NKAIN2: variants seen among roughly 807,000 people sequenced by gnomAD.
NKAIN2 encodes sodium/potassium-transporting ATPase subunit beta-1-interacting protein 2.
In NKAIN2, 14 loss-of-function variants were observed where a neutral mutation model predicts 32.6. The observed-to-expected ratio is 0.43, with a 90% CI of 0.28 to 0.67. NKAIN2 has a LOEUF of 0.67. Among genes scored for constraint, NKAIN2 ranks in the 30% least tolerant of loss-of-function variants. NKAIN2 has a pLI of 0.17. For missense variants in NKAIN2, 198 were observed against 258.3 expected, an observed-to-expected ratio of 0.77 and a Z score of 1.60; for synonymous variants, 80 against 87.2, an observed-to-expected ratio of 0.92 and a Z score of 0.46.
chr6:124,229,219 C>A (rs1343280534), intron 1 of NKAIN2, among the ~76,000 whole-genome samples: 1 of 152,056 alleles, frequency 6.6e-6, no homozygotes, highest in East Asian at 1.9e-4. Flanking sequence ...TGAGAGAATG[C>A]AAGTGTGACA....
At chr6:123,975,031 G>T (rs913640653) in intron 1 of NKAIN2, among the ~76,000 whole-genome samples, 1 of 152,064 alleles carries the variant, frequency 6.6e-6, no homozygotes, top group African/African-American at 2.4e-5. Flanking sequence ...CGTATGTTTG[G>T]TTATTAAGGG....
chr6:124,770,970 T>C (rs188202633), intron 4 of NKAIN2, among the ~76,000 whole-genome samples: 61 of 152,284 alleles, frequency 4.0e-4, no homozygotes, highest in Non-Finnish European at 7.5e-4. Context: ...AGAGGAAATC[T>C]AGGAAGAGCT....
intron 3 of NKAIN2, among the ~76,000 whole-genome samples, chr6:124,417,749 G>A (rs963232393): frequency 1.3e-5 from 2 of 152,078 alleles, no homozygotes; most frequent in Admixed American, 6.6e-5. Context: ...TGTTTCCTCT[G>A]TCTCAGGCTT....
At chr6:124,787,154 A>C (rs905292024) in intron 4 of NKAIN2, among the ~76,000 whole-genome samples, 7 of 152,278 alleles carry the variant, frequency 4.6e-5, no homozygotes, top group Admixed American at 2.0e-4. Context: ...ACCTTTATTC[A>C]GCCTTAAAGA....
At chr6:124,274,665 C>A (rs140621585) in intron 1 of NKAIN2, among the ~76,000 whole-genome samples, 13 of 151,878 alleles carry the variant, frequency 8.6e-5, no homozygotes, top group African/African-American at 2.4e-4. Context: ...TCCTTGTAAA[C>A]GCATGATTTA....
chr6:124,401,273 T>C (rs1330959057), intron 3 of NKAIN2, among the ~76,000 whole-genome samples: 2 of 152,072 alleles, frequency 1.3e-5, no homozygotes, highest in East Asian at 3.9e-4. Flanking sequence ...ATAATGACAT[T>C]TTCCCCCCAA....
chr6:124,604,223 T>TA (rs1345338012), intron 3 of NKAIN2, among the ~76,000 whole-genome samples: 1 of 151,930 alleles, frequency 6.6e-6, no homozygotes, highest in African/African-American at 2.4e-5. Flanking sequence ...ACCAAATCCA[T>TA]AAGTGAATCA....
intron 1 of NKAIN2, among the ~76,000 whole-genome samples, chr6:123,808,264 A>G (rs1773306419): frequency 6.6e-6 from 1 of 152,122 alleles, no homozygotes; most frequent in Admixed American, 6.5e-5. Context: ...GGCTCAGAGA[A>G]TTTTAACTTT....
chr6:124,031,075 G>A (rs1236585742), intron 1 of NKAIN2, among the ~76,000 whole-genome samples: 1 of 142,492 alleles, frequency 7.0e-6, no homozygotes, highest in Non-Finnish European at 1.5e-5. Flanking sequence ...GATGTTACTG[G>A]GTTTTTAAAA....
intron 1 of NKAIN2, among the ~76,000 whole-genome samples, chr6:124,011,399 C>CTT (rs78219806): frequency 1.4e-5 from 2 of 141,580 alleles, no homozygotes; most frequent in African/African-American, 2.7e-5. Flanking sequence ...AATTCCTGTT[C>CTT]TTTTTTTTTT....
intron 4 of NKAIN2, among the ~76,000 whole-genome samples, chr6:124,725,867 A>G (rs2114644462): frequency 6.6e-6 from 1 of 152,344 alleles, no homozygotes; most frequent in Admixed American, 6.5e-5. Flanking sequence ...GTGCAAGCCA[A>G]AGCAGGGCGA....
rs949673922 is a variant in NKAIN2 at position 123,939,202 on chromosome 6, A to G, written c.54+134948A>G. The stretch of plus-strand genomic sequence containing the variant: ...ATTTTAATGAAGTCATAGAGTGCCA[A>G]TCAGGAAACTGAACTGGAGCCCAAA... On this transcript the variant is annotated intron_variant, in intron 1 of 6. Transcript: ENST00000368417. Among the ~76,000 whole-genome samples, 8 of 152,068 alleles carry G rather than the reference A, an allele frequency of 5.3e-5. No individual in the cohort carries two copies. In the East Asian group the frequency reaches 1.4e-3, roughly 26 times the overall value.
At chr6:124,328,667 G>A (rs887868133) in intron 2 of NKAIN2, among the ~76,000 whole-genome samples, 20 of 152,192 alleles carry the variant, frequency 1.3e-4, no homozygotes, top group African/African-American at 4.8e-4. Flanking sequence ...AAGCCATGGG[G>A]GCCTTTCATA....
chr6:124,796,338 T>G (rs1194913745), intron 5 of NKAIN2, among the ~76,000 whole-genome samples: 2 of 152,146 alleles, frequency 1.3e-5, no homozygotes, highest in African/African-American at 2.4e-5. Context: ...CATTTAACCT[T>G]CATTACCTCT....
intron 2 of NKAIN2, among the ~76,000 whole-genome samples, chr6:124,326,146 G>A (rs1797401006): frequency 6.9e-6 from 1 of 145,460 alleles, no homozygotes; most frequent in South Asian, 2.2e-4. Flanking sequence ...TCCTTCTGAA[G>A]GATTTTTTTT....
At chr6:124,336,863 G>A (rs1797896116) in intron 2 of NKAIN2, among the ~76,000 whole-genome samples, 1 of 151,860 alleles carries the variant, frequency 6.6e-6, no homozygotes, top group South Asian at 2.1e-4. Flanking sequence ...AATAGAGACA[G>A]GGTTTCACCA....
intron 1 of NKAIN2, among the ~76,000 whole-genome samples, chr6:124,263,034 G>A (rs1012266427): frequency 1.3e-5 from 2 of 152,148 alleles, no homozygotes; most frequent in African/African-American, 4.8e-5. Context: ...TAACCATTTA[G>A]TAAGTGTTGC....
Position 124,240,343 on chromosome 6 carries a change from T to A in NKAIN2, c.55-42662T>A, listed in dbSNP as rs190332308. Among the ~76,000 whole-genome samples the A allele has an allele frequency of 4.1e-3, 625 of 152,270 alleles. 6 individuals are homozygous for A. Among genetic ancestry groups the A allele is most frequent in the African/African-American group, 0.014 (580 of 41,554 alleles). On this transcript the variant is annotated intron_variant, in intron 1 of 6. Coordinates refer to ENST00000368417, the MANE Select transcript of NKAIN2 (RefSeq NM_001040214.3). The stretch of plus-strand genomic sequence containing the variant: ...AAAGAGAAGCTGGTACCATTCCTTC[T>A]GAAACTATTCCAAACATTAGAAAAA...
At chr6:123,840,168 G>A (rs1014930963) in intron 1 of NKAIN2, among the ~76,000 whole-genome samples, 10 of 152,020 alleles carry the variant, frequency 6.6e-5, no homozygotes, top group African/African-American at 2.4e-4. Flanking sequence ...TTATGTGCAT[G>A]TGTTAGTCTG....
Sources: gnomAD v4.1 joint callset for allele counts (sites outside exome capture counted in the v4.1 genomes callset) on GRCh38, gnomAD v4.1.1 for gene constraint, MANE v1.5 for transcripts, NCBI Gene and HGNC (gene_info 2026-07-23, HGNC 2026-07-21) for gene names.